The following C12orf76 variants were observed in gnomAD, a reference collection of about 807,000 sequenced individuals.
C12orf76 encodes uncharacterized protein C12orf76.
C12orf76 carries 6 observed loss-of-function variants against 6.8 expected under a neutral mutation model. The observed-to-expected ratio is 0.88, with a 90% CI of 0.48 to 1.73. The LOEUF is 1.73. Ranked by LOEUF, C12orf76 falls within the 40% of genes most tolerant of loss-of-function variation. The pLI is 0.01. For synonymous variants in C12orf76, 56 were observed against 43.7 expected (o/e 1.28, Z -1.11); for missense variants, 99 against 98.2 (o/e 1.01, Z -0.03).
intron 4 of C12orf76, chr12:110,056,884 A>G (rs1892677296): frequency 3.6e-6 from 1 of 276,564 alleles, no homozygotes; most frequent in Non-Finnish European, 6.9e-6. Context: ...AGGCCTTCCC[A>G]GCCATGTGGA....
intron 3 of C12orf76, among the ~76,000 whole-genome samples, chr12:110,058,364 T>C (rs1352382643): frequency 1.3e-5 from 2 of 152,012 alleles, no homozygotes; most frequent in African/African-American, 2.4e-5. Context: ...TGATTGAATA[T>C]ATGAAACTGC....
upstream of C12orf76, chr12:110,050,207 G>A (rs539218856): frequency 6.6e-6 from 1 of 152,352 alleles, no homozygotes; most frequent in South Asian, 2.1e-4. Flanking sequence ...CACACACAAA[G>A]TGGCAGAGCT....
rs545192407 is a variant in C12orf76 at position 110,055,777 on chromosome 12, G to A, written n.664+1412C>T. On this transcript the variant is annotated intron_variant and non_coding_transcript_variant, in intron 4 of 4. Coordinates refer to the C12orf76 transcript ENST00000309050. ...GTCAGAGATGAAATCATAGGGAGTC[G>A]AAGCTGTCTTCTTGTGCTGAGTCAG... 5.3e-5 allele frequency among the ~76,000 whole-genome samples: 8 copies of A among 152,218 alleles called. No individual in the cohort carries two copies. In the East Asian group the frequency reaches 5.8e-4, roughly 11 times the overall value.
exon 1 of C12orf76, chr12:110,067,669 CCCGG>C (rs1296499980): frequency 1.5e-6 from 1 of 674,470 alleles, no homozygotes; most frequent in African/African-American, 2.0e-5. Flanking sequence ...AGCCACTGCA[CCCGG>C]CCGGCTCAGT....
Position 110,042,336 on chromosome 12 carries a change from C to T in C12orf76, c.*38G>A. On this transcript the variant is annotated 3_prime_UTR_variant, in exon 2 of 2. Transcript: ENST00000615315. ...CTGGCCTGTGTGCAACACAACTTAT[C>T]CTATTCCCAAATACTCATTGAAGAA... The T allele has an allele frequency of 1.3e-6, 2 of 1,569,470 alleles. No homozygotes were observed. Among genetic ancestry groups the T allele is most frequent in the Non-Finnish European group, 1.8e-6 (2 of 1,139,868 alleles).
intron 4 of C12orf76, among the ~76,000 whole-genome samples, chr12:110,056,507 AGGTGGAGGTG>A (rs2137229393): frequency 6.6e-6 from 1 of 152,030 alleles, no homozygotes; most frequent in South Asian, 2.1e-4. Context: ...GCTACTCATT[AGGTGGAGGTG>A]GGAGGATTCC....
Position 110,048,499 on chromosome 12 carries a change from C to A in C12orf76, c.-4G>T. 1 of 1,429,758 alleles carries A rather than the reference C, an allele frequency of 7.0e-7. No homozygotes were observed. Among genetic ancestry groups the A allele is most frequent in the South Asian group, 1.4e-5 (1 of 72,246 alleles). 88.6% of individuals were successfully genotyped at this position (1,429,758 alleles called of 1,614,324 possible). Reference sequence around the variant, plus strand: ...ACGGTAACGCTGGACGCAGCATCTTCCCCAGCCCTGCAGAAGCAGAGAGGC... The same window carrying A: ...ACGGTAACGCTGGACGCAGCATCTTACCCAGCCCTGCAGAAGCAGAGAGGC... On this transcript the variant is annotated 5_prime_UTR_variant, in exon 1 of 2. Coordinates refer to ENST00000615315, the MANE Select transcript of C12orf76 (RefSeq NM_001389625.1).
chr12:110,042,383 C>G lies in C12orf76; in HGVS notation c.210G>C (p.Arg70=). ...AGAACTTGTCTGGCTGTCACCGACG[C>G]CGAATGGGCTTGTAGACACAAAATG... ...LMAFCVYKPI[R]RR is the part of the protein sequence containing the mutation. Residue 70 remains arginine, a synonymous_variant, in exon 2 of 2, where the codon CGG becomes CGC. Transcript: ENST00000615315. 1 of 1,613,962 alleles carries G rather than the reference C, an allele frequency of 6.2e-7. No homozygotes were observed. Among genetic ancestry groups the G allele is most frequent in the African/African-American group, 1.3e-5 (1 of 75,052 alleles).
In C12orf76 at chr12:110,060,237, C is replaced by T. The variant is rs141236367; in HGVS notation, n.381-1074G>A. 3.8e-4 allele frequency among the ~76,000 whole-genome samples: 58 copies of T among 152,102 alleles called. No individual in the cohort carries two copies. The East Asian group carries it at 6.0e-3, about 16-fold the overall frequency. ...GTGAAACTCTGTCTCCAAAATACCCCCTCTTCAATCCCACATTCTCTTACC... is the reference window on the plus strand; with the variant it reads ...GTGAAACTCTGTCTCCAAAATACCCTCTCTTCAATCCCACATTCTCTTACC... On this transcript the variant is annotated intron_variant and non_coding_transcript_variant, in intron 2 of 4. Transcript: ENST00000309050.
intron 2 of C12orf76, among the ~76,000 whole-genome samples, chr12:110,062,800 T>A (rs1490202133): frequency 7.0e-6 from 1 of 143,058 alleles, no homozygotes; most frequent in Non-Finnish European, 1.5e-5. Flanking sequence ...TTTTTTTTTT[T>A]TTTTTTTTTT....
Position 110,044,646 on chromosome 12 carries a change from C to T in C12orf76, c.134-2187G>A, listed in dbSNP as rs938194702. The T allele has an allele frequency of 5.2e-5, 8 of 154,050 alleles. No homozygotes were observed. In the Admixed American group the frequency reaches 5.2e-4, roughly 10 times the overall value. 9.5% of individuals were successfully genotyped at this position (154,050 alleles called of 1,614,324 possible). ...CCCCCCACCCCACACACACCCTCCA[C>T]GCTTAAACCGGTTATTATTTTAAAA... On this transcript the variant is annotated intron_variant, in intron 1 of 1. Transcript: ENST00000615315.
exon 3 of C12orf76, chr12:110,059,163 G>T: frequency 6.5e-7 from 1 of 1,540,998 alleles, no homozygotes; most frequent in Non-Finnish European, 8.8e-7. Flanking sequence ...AATGTTCCTT[G>T]CTGGTGTAAA....
At chr12:110,043,197 A>G (rs962966696) in intron 1 of C12orf76, among the ~76,000 whole-genome samples, 1 of 152,090 alleles carries the variant, frequency 6.6e-6, no homozygotes, top group Non-Finnish European at 1.5e-5. Context: ...CAGTGAACAG[A>G]AGGGAGGCAA....
chr12:110,048,707 G>T, upstream of C12orf76: 5 of 1,220,376 alleles, frequency 4.1e-6, no homozygotes, highest in South Asian at 3.4e-5. Context: ...CCAACTTTCC[G>T]TTCAGATCAA....
intron 1 of C12orf76, among the ~76,000 whole-genome samples, chr12:110,073,162 C>G (rs1427014033): frequency 6.6e-6 from 1 of 152,280 alleles, no homozygotes; most frequent in African/African-American, 2.4e-5. Flanking sequence ...CCCAGGCACA[C>G]CCTGCCCTGC....
chr12:110,043,294 A>C (rs1272648890), intron 1 of C12orf76, among the ~76,000 whole-genome samples: 1 of 152,046 alleles, frequency 6.6e-6, no homozygotes, highest in African/African-American at 2.4e-5. Flanking sequence ...GGAGACCATG[A>C]AGAAAACACG....
chr12:110,049,347 A>G (rs1892535651), upstream of C12orf76: 1 of 152,516 alleles, frequency 6.6e-6, no homozygotes, highest in Non-Finnish European at 1.5e-5. Context: ...AGACCACCAA[A>G]CAGGCTTTGT....
chr12:110,065,360 G>A (rs1040015891), intron 2 of C12orf76, among the ~76,000 whole-genome samples: 4 of 151,864 alleles, frequency 2.6e-5, no homozygotes, highest in African/African-American at 7.3e-5. Context: ...TAGTAGAGAC[G>A]GGGTTTTGCG....
At chr12:110,062,789 T>TA (rs1892794776) in intron 2 of C12orf76, among the ~76,000 whole-genome samples, 1 of 42,668 alleles carries the variant, frequency 2.3e-5, no homozygotes, top group African/African-American at 1.4e-4. Flanking sequence ...CCAGCTAATA[T>TA]TTTTTTTTTT....
Sources: gnomAD v4.1 joint callset for allele counts (sites outside exome capture counted in the v4.1 genomes callset) on GRCh38, gnomAD v4.1.1 for gene constraint, MANE v1.5 for transcripts, NCBI Gene and HGNC (gene_info 2026-07-23, HGNC 2026-07-21) for gene names.